PARVB: variants seen among roughly 807,000 people sequenced by gnomAD.
The protein encoded by PARVB is beta-parvin.
A neutral mutation model predicts 47.0 loss-of-function variants in PARVB; 46 were observed. The observed-to-expected ratio is 0.98, with a 90% CI of 0.77 to 1.25. The LOEUF (loss-of-function observed/expected upper bound fraction) is 1.25, where lower values mean the gene tolerates loss of function less well. Ranked by LOEUF, PARVB falls within the 50% of genes most tolerant of loss-of-function variation. The pLI is 0.00. For synonymous variants in PARVB, 196 were observed against 196.3 expected, an observed-to-expected ratio of 1.00 and a Z score of 0.01; for missense variants, 473 against 471.6, an observed-to-expected ratio of 1.00 and a Z score of -0.03.
intron 10 of PARVB, chr22:44,152,381 C>T (rs1275999589): frequency 6.6e-6 from 1 of 152,148 alleles, no homozygotes; most frequent in African/African-American, 2.4e-5. Context: ...ATCTCCTGGC[C>T]TCATGATCTG....
intron 1 of PARVB, among the ~76,000 whole-genome samples, chr22:44,030,802 T>G (rs1011859414): frequency 2.0e-5 from 3 of 152,112 alleles, no homozygotes; most frequent in Non-Finnish European, 4.4e-5. Context: ...GGACGATTTT[T>G]CAGACTTCTT....
chr22:44,168,296 C>T (rs2054213706), intron 12 of PARVB: 1 of 322,150 alleles, frequency 3.1e-6, no homozygotes, highest in Admixed American at 4.5e-5. Context: ...AGCCATGTCC[C>T]CCAACCGGTT....
At chr22:44,029,865 G>A (rs1405332905) in intron 1 of PARVB, among the ~76,000 whole-genome samples, 5 of 151,854 alleles carry the variant, frequency 3.3e-5, no homozygotes, top group South Asian at 2.1e-4. Context: ...AGCTGAGATC[G>A]CGCCACTGCA....
intron 2 of PARVB, among the ~76,000 whole-genome samples, chr22:44,001,961 CAG>C (rs2050417359): frequency 1.3e-5 from 2 of 152,008 alleles, no homozygotes; most frequent in African/African-American, 2.4e-5. Context: ...GATGTAATGA[CAG>C]GGAGCATTTT....
intron 12 of PARVB, chr22:44,168,349 T>G: frequency 2.2e-6 from 1 of 454,600 alleles, no homozygotes; most frequent in Non-Finnish European, 4.0e-6. Flanking sequence ...GCTGTGGGAG[T>G]GTCTCTGTTC....
intron 11 of PARVB, among the ~76,000 whole-genome samples, chr22:44,161,701 C>CTTTG (rs2054056776): frequency 6.6e-6 from 1 of 152,190 alleles, no homozygotes; most frequent in Non-Finnish European, 1.5e-5. Flanking sequence ...TCACCTCGTA[C>CTTTG]AGGGCTGGGA....
intron 4 of PARVB, among the ~76,000 whole-genome samples, chr22:44,124,029 C>T (rs1374110141): frequency 6.6e-6 from 1 of 152,242 alleles, no homozygotes; most frequent in Non-Finnish European, 1.5e-5. Flanking sequence ...CTGGGTACCC[C>T]ATCCACCCCA....
In PARVB at chr22:44,147,864, G is replaced by C; in HGVS notation, c.716G>C (p.Arg239Pro). Reference protein sequence around the residue: ...TTEMMMGRFERDAFDTLFDHA... With the variant: ...TTEMMMGRFEPDAFDTLFDHA... ...GTCTCTCTTTGCATGTCCTCAGAGCGGGATGCCTTCGACACGCTGTTCGAC... is the reference window on the plus strand; with the variant it reads ...GTCTCTCTTTGCATGTCCTCAGAGCCGGATGCCTTCGACACGCTGTTCGAC... The change falls in exon 9 of 13, where the codon CGG (arginine) becomes CCG (proline). Residue 239 changes from arginine to proline, a missense_variant. Arg to Pro is a moderately radical substitution (Grantham distance 103, BLOSUM62 -2). Transcript: ENST00000338758. 1 of 1,613,996 alleles carries C rather than the reference G, an allele frequency of 6.2e-7. No individual in the cohort carries two copies. Among genetic ancestry groups the C allele is most frequent in the Non-Finnish European group, 8.5e-7 (1 of 1,179,900 alleles).
intron 1 of PARVB, among the ~76,000 whole-genome samples, chr22:44,091,835 A>G (rs886318321): frequency 2.6e-5 from 4 of 152,204 alleles, no homozygotes; most frequent in Admixed American, 6.5e-5. Flanking sequence ...TGCATCAGGC[A>G]GTCCTCTAGG....
intron 9 of PARVB, 66 bp downstream of exon 9, chr22:44,147,988 C>A: frequency 4.1e-6 from 5 of 1,217,886 alleles, no homozygotes; most frequent in Non-Finnish European, 6.1e-6. Context: ...AGCACAAACG[C>A]CCCGCTGGGA....
At position 44,171,641 on chromosome 22, in the gene PARVB, G is replaced by A. The variant is rs2054270487; in HGVS notation, c.*2963G>A. On this transcript the variant is annotated 3_prime_UTR_variant, in exon 13 of 13. Transcript: ENST00000338758. ...GCTTCAGCTTCTCAGGGAGGTCCTG[G>A]CGGCCCCCATCTAGTAAACCAGTAA... 1 of 152,112 alleles carries A rather than the reference G, an allele frequency of 6.6e-6. No individual in the cohort carries two copies. Among genetic ancestry groups the A allele is most frequent in the South Asian group, 2.1e-4 (1 of 4,822 alleles). 9.4% of individuals were successfully genotyped at this position (152,112 alleles called of 1,614,324 possible). A position where few individuals can be genotyped will look rare whatever the true frequency, so the allele number is the denominator to read the frequency against.
At chr22:44,165,809 G>A (rs1283422444) in intron 12 of PARVB, among the ~76,000 whole-genome samples, 1 of 152,204 alleles carries the variant, frequency 6.6e-6, no homozygotes, top group Non-Finnish European at 1.5e-5. Context: ...CACCTATTAC[G>A]CTCAAGTGAG....
intron 10 of PARVB, among the ~76,000 whole-genome samples, chr22:44,156,913 T>C (rs2053948228): frequency 6.6e-6 from 1 of 152,052 alleles, no homozygotes; most frequent in African/African-American, 2.4e-5. Flanking sequence ...GAGTGTCACT[T>C]TGGTAACATG....
At chr22:44,105,069 G>A (rs1033452135) in intron 3 of PARVB, 3 of 152,262 alleles carry the variant, frequency 2.0e-5, no homozygotes, top group African/African-American at 7.2e-5. Flanking sequence ...GTGGGACAAT[G>A]CGCATGCAGT....
rs2146973467 is a variant in PARVB at position 44,068,912 on chromosome 22, A to T, written c.113-25016A>T. The stretch of plus-strand genomic sequence containing the variant: ...GCAGTTGCCCTGGCCCATGAGGCTG[A>T]TGGGAGTCAAGACAGAAATAGTGGT... On this transcript the variant is annotated intron_variant, in intron 1 of 12. Coordinates refer to ENST00000338758, the MANE Select transcript of PARVB (RefSeq NM_013327.5). The surrounding 1 kb of genome is among the most constrained non-coding windows in gnomAD (Gnocchi z 4.1). 3.6e-6 allele frequency: 2 copies of T among 554,368 alleles called. No homozygotes were observed. Among genetic ancestry groups the T allele is most frequent in the South Asian group, 5.0e-5 (2 of 39,992 alleles). The allele number at this position is 554,368 out of a possible 1,614,324, so 34.3% of individuals were successfully genotyped here. A position where few individuals can be genotyped will look rare whatever the true frequency, so the allele number is the denominator to read the frequency against.
At chr22:44,023,688 C>CT (rs1204637537), upstream of PARVB, among the ~76,000 whole-genome samples, 3 of 152,202 alleles carry the variant, frequency 2.0e-5, no homozygotes, top group Non-Finnish European at 4.4e-5. Context: ...CTCCTCTCCC[C>CT]TCCCTGGCAC....
intron 8 of PARVB, chr22:44,141,139 C>T (rs974328931): frequency 3.9e-5 from 6 of 154,398 alleles, no homozygotes; most frequent in Non-Finnish European, 7.2e-5. Context: ...GAGTCCTATA[C>T]AATGAGGGCT....
intron 3 of PARVB, among the ~76,000 whole-genome samples, chr22:44,102,379 G>A (rs1569114866): frequency 6.6e-6 from 1 of 152,194 alleles, no homozygotes; most frequent in Non-Finnish European, 1.5e-5. Flanking sequence ...CAGAGCCCAG[G>A]CAAGTTGACA....
intron 1 of PARVB, among the ~76,000 whole-genome samples, chr22:44,066,946 C>T (rs982558875): frequency 1.3e-5 from 2 of 151,934 alleles, no homozygotes; most frequent in Admixed American, 6.6e-5. Context: ...TGGTCATAGG[C>T]TCAAGTGATC....
Sources: gnomAD v4.1 joint callset for allele counts (sites outside exome capture counted in the v4.1 genomes callset) on GRCh38, gnomAD v4.1.1 for gene constraint, Gnocchi (gnomAD v3.1) non-coding constraint, MANE v1.5 for transcripts, NCBI Gene and HGNC (gene_info 2026-07-23, HGNC 2026-07-21) for gene names.